Variants in DIDO1 observed in about 807,000 individuals in gnomAD.
DIDO1 encodes death inducer-obliterator 1.
A neutral mutation model predicts 99.4 loss-of-function variants in DIDO1; 16 were observed. The ratio of observed to expected loss-of-function variants is 0.16; its 90% CI spans 0.11 to 0.24. The LOEUF is 0.24. DIDO1 is among the 10% of genes least tolerant of loss of function. DIDO1 has a pLI of 1.00. For missense variants in DIDO1, 2,996 were observed against 3,014.0 expected (o/e 0.99, Z 0.14); for synonymous variants, 1,366 against 1,239.1 (o/e 1.10, Z -2.15).
rs1393530224 is a variant in DIDO1, at chr20:62,896,860, A to G, written c.1725T>C (p.Asn575=). ...NLVPKKSSFA[N]VAAATPAIKK... ...TAATGGCTGGTGTGGCTGCTGCCAC[A>G]TTAGCAAAAGAAGACTTCTTTGGCA... Residue 575 remains asparagine (N), a synonymous_variant, in exon 7 of 16, where the codon AAT becomes AAC. Coordinates refer to ENST00000395343, the MANE Select transcript of DIDO1 (RefSeq NM_001193369.2). The surrounding 1 kb of genome is among the most constrained non-coding windows in gnomAD (Gnocchi z 4.4). 6.2e-7 allele frequency: 1 copy of G among 1,614,130 alleles called. No homozygotes were observed. The highest frequency in any genetic ancestry group is 2.2e-5 in the East Asian group (1 of 44,888).
rs1484673783 is a variant in DIDO1 at position 62,880,856 on chromosome 20, A to G, written c.5100T>C (p.Tyr1700=). The G allele has an allele frequency of 6.2e-7, 1 of 1,612,492 alleles. No homozygotes were observed. The highest frequency in any genetic ancestry group is 8.5e-7 in the Non-Finnish European group (1 of 1,179,952). Residue 1700 remains tyrosine, a synonymous_variant, in exon 16 of 16, where the codon TAT becomes TAC. Transcript: ENST00000395343. ...CAGAATGAAGATTTCTTGGGTCCTCATACTGGGCTGAGCCGAGAGCCTTGT... is the reference window on the plus strand; with the variant it reads ...CAGAATGAAGATTTCTTGGGTCCTCGTACTGGGCTGAGCCGAGAGCCTTGT... ...SQDKALGSAQ[Y]EDPRNLHSAG...
chr20:62,920,175 G>A, intron 1 of DIDO1, among the ~76,000 whole-genome samples: 1 of 152,218 alleles, frequency 6.6e-6, no homozygotes, highest in East Asian at 1.9e-4. Context: ...AAGTGTGGCA[G>A]TGTGAGCTCC....
At chr20:62,934,363 T>C (rs1194557468) in intron 1 of DIDO1, among the ~76,000 whole-genome samples, 1 of 152,180 alleles carries the variant, frequency 6.6e-6, no homozygotes, top group African/African-American at 2.4e-5. Flanking sequence ...CATCTCCACG[T>C]GAATGCCTCA....
intron 13 of DIDO1, among the ~76,000 whole-genome samples, chr20:62,892,403 G>A (rs2147392905): frequency 6.6e-6 from 1 of 152,324 alleles, no homozygotes; most frequent in African/African-American, 2.4e-5. Flanking sequence ...AAATGCTAGT[G>A]CTGTCTTCTG....
intron 4 of DIDO1, among the ~76,000 whole-genome samples, chr20:62,908,810 G>T (rs557860059): frequency 2.0e-5 from 3 of 152,194 alleles, no homozygotes; most frequent in African/African-American, 7.2e-5. Context: ...AGTGAGCTGG[G>T]ACTGTGCCAC....
At position 62,879,242 on chromosome 20, in the gene DIDO1, C is replaced by A. The variant is rs771923789; in HGVS notation, c.6714G>T (p.Ser2238=). The stretch of plus-strand genomic sequence containing the variant: ...TGCCCGGCCGGGGCGTCTAGGCCTG[C>A]GAGGCGGTGCCAGCGTCGGAGGCCC... ...ASRASDAGTA[S]QA is the part of the protein sequence containing the mutation. Residue 2238 remains serine (S), a synonymous_variant, in exon 16 of 16, where the codon TCG becomes TCT. Transcript: ENST00000395343. The surrounding 1 kb of genome is among the most constrained non-coding windows in gnomAD (Gnocchi z 6.3). 6 of 1,526,958 alleles carry A rather than the reference C, an allele frequency of 3.9e-6. No individual in the cohort carries two copies. The highest frequency in any genetic ancestry group is 1.3e-5 in the South Asian group (1 of 79,598). The allele number at this position is 1,526,958 out of a possible 1,614,324, so 94.6% of individuals were successfully genotyped here.
intron 15 of DIDO1, among the ~76,000 whole-genome samples, chr20:62,884,051 T>C (rs1373360955): frequency 6.6e-6 from 1 of 152,200 alleles, no homozygotes; most frequent in East Asian, 1.9e-4. Flanking sequence ...TCAGTGAGCA[T>C]TAACATATCA....
rs762987950 is a variant in DIDO1, at chr20:62,879,737, C to T, written c.6219G>A (p.Gly2073=). Residue 2073 remains glycine (G), a synonymous_variant, in exon 16 of 16, where the codon GGG becomes GGA. Coordinates refer to ENST00000395343, the MANE Select transcript of DIDO1 (RefSeq NM_001193369.2). The surrounding 1 kb of genome is among the most constrained non-coding windows in gnomAD (Gnocchi z 6.3). The part of the protein sequence containing the change: ...GQWASADFRE[G]KGHEYRNQTF... ...TCTGGTTTCTGTATTCGTGGCCTTT[C>T]CCCTCTCGGAAGTCGGCCGATGCCC... 5 of 1,611,672 alleles carry T rather than the reference C, an allele frequency of 3.1e-6. No homozygotes were observed. The highest frequency in any genetic ancestry group is 2.7e-5 in the African/African-American group (2 of 74,914).
chr20:62,888,577 C>T (rs917552054), intron 15 of DIDO1: 19 of 985,482 alleles, frequency 1.9e-5, no homozygotes, highest in Non-Finnish European at 2.2e-5. Flanking sequence ...GTGGCCTGTG[C>T]TGTCCAAGGG....
At chr20:62,925,508 GCAGA>G (rs914865454) in intron 1 of DIDO1, among the ~76,000 whole-genome samples, 34 of 152,306 alleles carry the variant, frequency 2.2e-4, no homozygotes, top group African/African-American at 7.2e-4. Flanking sequence ...CATTCCATCA[GCAGA>G]CAGATGACAC....
At position 62,905,572 on chromosome 20, in the gene DIDO1, G is replaced by A. The variant is rs1166996898; in HGVS notation, c.1588+315C>T. 3.2e-6 allele frequency: 5 copies of A among 1,551,118 alleles called. No individual in the cohort carries two copies. The African/African-American group carries it at 4.1e-5, about 13-fold the overall frequency. ...CAGTGTGGCTATGCAATCAGACTGG[G>A]ATGAAGAGAATACGAATACTTACCA... On this transcript the variant is annotated intron_variant, in intron 6 of 15. Transcript: ENST00000395343.
chr20:62,891,869 T>C, intron 14 of DIDO1, 118 bp downstream of exon 14: 1 of 802,300 alleles, frequency 1.2e-6, no homozygotes, highest in Non-Finnish European at 1.9e-6. Context: ...TGGAAATATC[T>C]AGTAAGCTAC....
At chr20:62,890,652 G>T in intron 15 of DIDO1, 1 of 1,235,302 alleles carries the variant, frequency 8.1e-7, no homozygotes, top group East Asian at 4.1e-5. Context: ...TCCCTTTCTG[G>T]CTGAGCCTTG....
rs148620957 is a variant in DIDO1, at chr20:62,911,003, C to T, written c.610G>A (p.Glu204Lys). 1.1e-4 allele frequency: 174 copies of T among 1,614,086 alleles called. No individual in the cohort carries two copies. Among genetic ancestry groups the T allele is most frequent in the Non-Finnish European group, 3.7e-5 (44 of 1,180,020 alleles). Residue 204 changes from glutamate to lysine, a missense_variant, in exon 3 of 16, where the codon GAG becomes AAG. Around this residue, in one of 5 missense-constraint regions of DIDO1, gnomAD observed 388 missense variants for 376.6 expected, o/e 1.03. Coordinates refer to ENST00000395343, the MANE Select transcript of DIDO1 (RefSeq NM_001193369.2). The surrounding 1 kb of genome is among the most constrained non-coding windows in gnomAD (Gnocchi z 7.0). ...EEGPAETVGS[E>K]ASDTVEGVLP... ...ACGCCCTCCACAGTGTCACTGGCCT[C>T]GGAGCCCACAGTCTCGGCGGGACCC...
rs2064176834 is a variant in DIDO1 at position 62,880,276 on chromosome 20, T to G, written c.5680A>C (p.Arg1894=). The G allele has an allele frequency of 8.1e-6, 13 of 1,612,708 alleles. No homozygotes were observed. The highest frequency in any genetic ancestry group is 1.1e-5 in the Non-Finnish European group (13 of 1,179,936). The change falls in exon 16 of 16, where the codon AGG becomes CGG. Residue 1894 remains arginine, a synonymous_variant. Coordinates refer to ENST00000395343, the MANE Select transcript of DIDO1 (RefSeq NM_001193369.2). ...CCTTTCAGCTGAGACAGCAGTGGCC[T>G]TCTCTGGCCTCCGAACTGGAAAGGC... ...GAPFQFGGQR[R]PLLSQLKGPR...
intron 15 of DIDO1, chr20:62,889,185 T>G: frequency 4.1e-6 from 4 of 985,538 alleles, no homozygotes; most frequent in Non-Finnish European, 4.8e-6. Context: ...CTTGTCCCGG[T>G]GCCATCCGGG....
chr20:62,887,094 GT>G (rs2064308721), intron 15 of DIDO1: 1 of 983,838 alleles, frequency 1.0e-6, no homozygotes, highest in Non-Finnish European at 1.2e-6. Context: ...CAGCTGCTGG[GT>G]GGGCTGCAGA....
intron 1 of DIDO1, among the ~76,000 whole-genome samples, chr20:62,920,346 C>T (rs888673044): frequency 3.3e-5 from 5 of 152,150 alleles, no homozygotes; most frequent in Non-Finnish European, 5.9e-5. Flanking sequence ...ATTCCATGGC[C>T]CCAAGCACAG....
intron 1 of DIDO1, among the ~76,000 whole-genome samples, chr20:62,934,255 C>T (rs1200343420): frequency 6.6e-6 from 1 of 152,198 alleles, no homozygotes; most frequent in Non-Finnish European, 1.5e-5. Flanking sequence ...TCCTCTCCCT[C>T]CACCCATCCC....
Sources: allele counts gnomAD v4.1 joint callset (sites outside exome capture counted in the v4.1 genomes callset), GRCh38; gene constraint gnomAD v4.1.1; regional missense constraint gnomAD v4.1.1; non-coding constraint Gnocchi (gnomAD v3.1); transcripts MANE v1.5; gene names NCBI Gene and HGNC (gene_info 2026-07-23, HGNC 2026-07-21).